Variants in SLC35B1 observed in about 807,000 individuals in gnomAD.
The protein encoded by SLC35B1 is solute carrier family 35 member B1.
Under a neutral mutation model 36.6 loss-of-function variants are expected in SLC35B1, and 27 were observed. That is an observed-to-expected ratio of 0.74 (90% confidence interval 0.54 to 1.02). SLC35B1 has a LOEUF of 1.02. SLC35B1 is among the 50% of genes least tolerant of loss of function. SLC35B1 has a pLI of 0.00. For synonymous variants in SLC35B1, 162 were observed against 152.5 expected (o/e 1.06, Z -0.46); for missense variants, 321 against 383.2 (o/e 0.84, Z 1.35).
upstream of SLC35B1, chr17:49,708,030 C>T (rs1197643732): frequency 5.0e-6 from 6 of 1,192,674 alleles, no homozygotes; most frequent in Non-Finnish European, 7.1e-6. Flanking sequence ...GGAAACTCCT[C>T]AGAACCCAGC....
intron 8 of SLC35B1, chr17:49,702,591 G>A: frequency 3.0e-6 from 1 of 336,540 alleles, no homozygotes; most frequent in Non-Finnish European, 5.6e-6. Flanking sequence ...AATCATCCGG[G>A]CATGGTGGTG....
chr17:49,706,145 A>ACT, intron 3 of SLC35B1, 59 bp downstream of exon 3: 1 of 1,515,540 alleles, frequency 6.6e-7, no homozygotes, highest in Non-Finnish European at 8.8e-7. Flanking sequence ...TGAGGGAAGA[A>ACT]CTCTTAGTCC....
chr17:49,703,536 A>G, intron 6 of SLC35B1: 2 of 445,504 alleles, frequency 4.5e-6, no homozygotes, highest in South Asian at 2.1e-5. Context: ...AAAGTTAATG[A>G]GTTACTTCTA....
Position 49,704,366 on chromosome 17 carries a change from A to C in SLC35B1, c.529-140T>G, listed in dbSNP as rs552908165. 166 of 1,091,718 alleles carry C rather than the reference A, an allele frequency of 1.5e-4. 1 individual carries two copies. Among genetic ancestry groups the C allele is most frequent in the Non-Finnish European group, 1.7e-4 (133 of 769,272 alleles). The allele number at this position is 1,091,718 out of a possible 1,614,324, so 67.6% of individuals were successfully genotyped here. On this transcript the variant is annotated intron_variant, in intron 5 of 8. Transcript: ENST00000240333. The stretch of plus-strand genomic sequence containing the variant: ...CAGAACAAAACGTTGCCATTTGGTC[A>C]CAGGTGGAAGGTGGGGAGAGACCAT...
chr17:49,705,835 A>T, intron 4 of SLC35B1, 31 bp downstream of exon 4: 3 of 1,610,678 alleles, frequency 1.9e-6, no homozygotes, highest in Non-Finnish European at 2.5e-6. Context: ...AAGAGTGACG[A>T]CAGAAGAGGA....
In SLC35B1 at chr17:49,705,436, C is replaced by T. The variant is rs538889410; in HGVS notation, c.371-155G>A. 13 of 726,244 alleles carry T rather than the reference C, an allele frequency of 1.8e-5. 1 individual carries two copies. The highest frequency in any genetic ancestry group is 1.2e-4 in the African/African-American group (7 of 56,088). 45.0% of individuals were successfully genotyped at this position (726,244 alleles called of 1,614,324 possible). On this transcript the variant is annotated intron_variant, in intron 4 of 8. Coordinates refer to ENST00000240333, the MANE Select transcript of SLC35B1 (RefSeq NM_005827.4). ...ACAAAAGGAGGGTGCCAGGCTGGCA[C>T]CTAGATAAGGATTGAGCAACAGGGT...
Position 49,701,514 on chromosome 17 carries a change from T to C in SLC35B1, c.917-4A>G, listed in dbSNP as rs780628602. 6.2e-7 allele frequency: 1 copy of C among 1,613,274 alleles called. No individual in the cohort carries two copies. The highest frequency in any genetic ancestry group is 2.2e-5 in the East Asian group (1 of 44,862). On this transcript the variant is annotated splice_polypyrimidine_tract_variant and splice_region_variant and intron_variant, in intron 8 of 8. Coordinates refer to ENST00000240333, the MANE Select transcript of SLC35B1 (RefSeq NM_005827.4). Reference sequence around the variant, plus strand: ...AACTTGGCATCAAGACCAAGACCTATGAAAAGGAAGAAAATGGGCTTAGCC... The same window carrying C: ...AACTTGGCATCAAGACCAAGACCTACGAAAAGGAAGAAAATGGGCTTAGCC...
rs752566532 is a variant in SLC35B1 at position 49,707,060 on chromosome 17, C to T, written c.113G>A (p.Gly38Glu). The T allele has an allele frequency of 1.2e-6, 2 of 1,612,994 alleles. No homozygotes were observed. The highest frequency in any genetic ancestry group is 1.7e-6 in the Non-Finnish European group (2 of 1,179,200). ...YGILQEKITR[G>E]KYGEGAKQET... ...CTGCTTGGCTCCTTCCCCATACTTTCCTCTTGTTCTAGAAATGAAATGCAT... is the reference window on the plus strand; with the variant it reads ...CTGCTTGGCTCCTTCCCCATACTTTTCTCTTGTTCTAGAAATGAAATGCAT... Residue 38 changes from glycine to glutamate, a missense_variant, in exon 2 of 9, where the codon GGA becomes GAA. By Grantham distance (98) the Gly-to-Glu change is moderately conservative. Coordinates refer to ENST00000240333, the MANE Select transcript of SLC35B1 (RefSeq NM_005827.4).
rs372582094 is a variant in SLC35B1, at chr17:49,705,870, G to C, written c.366C>G (p.Ile122Met). 3 of 1,613,924 alleles carry C rather than the reference G, an allele frequency of 1.9e-6. No homozygotes were observed. In the African/African-American group the frequency reaches 4.0e-5, roughly 22 times the overall value. The change falls in exon 4 of 9, where the codon ATC becomes ATG. Residue 122 changes from isoleucine to methionine, a missense_variant. Coordinates refer to ENST00000240333, the MANE Select transcript of SLC35B1 (RefSeq NM_005827.4). ...AAGACCATCTTCTTTGCTTACCTGG[G>C]ATTGGCTTGCAGGATTTACCAAGGA... ...TQVLGKSCKP[I>M]PVMLLGVTLL...
intron 3 of SLC35B1, 104 bp downstream of exon 3, chr17:49,706,098 TTA>T: frequency 7.6e-7 from 1 of 1,322,304 alleles, no homozygotes; most frequent in Non-Finnish European, 1.0e-6. Flanking sequence ...TACAGGACCG[TTA>T]TCTTTTTTTT....
Position 49,702,801 on chromosome 17 carries a change from A to C in SLC35B1, c.916+57T>G, listed in dbSNP as rs2073367312. Reference sequence around the variant, plus strand: ...ATTTAAACAAATTTCATAAATATACAAGTAAATTTTAGGAGAAAAAATTCA... The same window carrying C: ...ATTTAAACAAATTTCATAAATATACCAGTAAATTTTAGGAGAAAAAATTCA... On this transcript the variant is annotated intron_variant, in intron 8 of 8. Transcript: ENST00000240333. 7.2e-6 allele frequency: 11 copies of C among 1,517,600 alleles called. No individual in the cohort carries two copies. In the East Asian group the frequency reaches 1.1e-4, roughly 16 times the overall value. 94.0% of individuals were successfully genotyped at this position (1,517,600 alleles called of 1,614,324 possible).
intron 6 of SLC35B1, 97 bp from the exon 7 acceptor site, chr17:49,703,391 TG>T (rs2073377207): frequency 1.2e-5 from 10 of 805,732 alleles, no homozygotes; most frequent in Non-Finnish European, 2.1e-5. Context: ...CTCCTGCACA[TG>T]GCCTGTTAAA....
chr17:49,707,339 G>A, intron 1 of SLC35B1: 1 of 1,434,336 alleles, frequency 7.0e-7, no homozygotes, highest in South Asian at 1.2e-5. Context: ...GTGAAATCAG[G>A]TACCCCAGGC....
intron 3 of SLC35B1, 30 bp downstream of exon 3, chr17:49,706,174 G>C (rs753411813): frequency 6.4e-7 from 1 of 1,574,392 alleles, no homozygotes; most frequent in Non-Finnish European, 8.6e-7. Flanking sequence ...TGATATCTGA[G>C]CCAACCATCA....
chr17:49,704,058 C>A, intron 6 of SLC35B1, 42 bp downstream of exon 6: 1 of 1,613,050 alleles, frequency 6.2e-7, no homozygotes, highest in South Asian at 1.1e-5. Context: ...GGCAGCCTGC[C>A]CTCTGGTGAT....
At chr17:49,702,647 G>T (rs1275246987) in intron 8 of SLC35B1, 9 of 502,132 alleles carry the variant, frequency 1.8e-5, no homozygotes, top group Non-Finnish European at 3.2e-5. Flanking sequence ...CAGGAGAATT[G>T]CTTGAACCCA....
intron 5 of SLC35B1, 121 bp from the exon 6 acceptor site, chr17:49,704,347 A>G (rs1364074626): frequency 2.4e-6 from 3 of 1,269,102 alleles, no homozygotes; most frequent in Non-Finnish European, 3.3e-6. Flanking sequence ...TCCTCAGAAC[A>G]AAACGTTGCC....
Position 49,706,346 on chromosome 17 carries a change from C to CGA in SLC35B1, c.209-13_209-12insTC. ...AAAAAACTGGATCACTGGGAGAAGACAAAAAAAAAAAAAAAAAAAGAAAAG... is the reference window on the plus strand; with the variant it reads ...AAAAAACTGGATCACTGGGAGAAGACGAAAAAAAAAAAAAAAAAAAAGAAAAG... On this transcript the variant is annotated splice_polypyrimidine_tract_variant and intron_variant, in intron 2 of 8. Transcript: ENST00000240333. 1.4e-6 allele frequency: 1 copy of CGA among 732,216 alleles called. No homozygotes were observed. Among genetic ancestry groups the CGA allele is most frequent in the Non-Finnish European group, 1.7e-6 (1 of 600,898 alleles). The allele number at this position is 732,216 out of a possible 1,614,324, so 45.4% of individuals were successfully genotyped here.
Position 49,701,578 on chromosome 17 carries a change from G to T in SLC35B1, c.917-68C>A, listed in dbSNP as rs1430039180. On this transcript the variant is annotated intron_variant, in intron 8 of 8. Transcript: ENST00000240333. Reference sequence around the variant, plus strand: ...TGAAACTTACCAATGATTGTGGTGGGGTGGGGTAGTCGGCCTTGTATCTCC... The same window carrying T: ...TGAAACTTACCAATGATTGTGGTGGTGTGGGGTAGTCGGCCTTGTATCTCC... The T allele has an allele frequency of 5.0e-5, 69 of 1,388,444 alleles. 1 individual carries two copies. In the South Asian group the frequency reaches 7.7e-4, roughly 15 times the overall value. 86.0% of individuals were successfully genotyped at this position (1,388,444 alleles called of 1,614,324 possible).
Sources: allele counts gnomAD v4.1 joint callset, GRCh38; gene constraint gnomAD v4.1.1; transcripts MANE v1.5; gene names NCBI Gene and HGNC (gene_info 2026-07-23, HGNC 2026-07-21).